MGAT5: variants seen among roughly 807,000 people sequenced by gnomAD.
MGAT5 encodes the protein alpha-1,6-mannosylglycoprotein 6-beta-N-acetylglucosaminyltransferase.
MGAT5 carries 30 observed loss-of-function variants against 94.3 expected under a neutral mutation model. The ratio of observed to expected loss-of-function variants is 0.32; its 90% CI spans 0.24 to 0.43. MGAT5 has a LOEUF of 0.43. Among genes scored for constraint, MGAT5 ranks in the 20% least tolerant of loss-of-function variants. The probability of loss-of-function intolerance (pLI) is 1.00; values close to 1 mark genes in which losing one functional copy is unlikely to be tolerated. For missense variants in MGAT5, 691 were observed against 905.5 expected (o/e 0.76, Z 3.04); for synonymous variants, 310 against 322.9 (o/e 0.96, Z 0.43).
chr2:134,140,262 G>GAGA (rs1686598503), intron 1 of MGAT5, among the ~76,000 whole-genome samples: 1 of 152,244 alleles, frequency 6.6e-6, no homozygotes, highest in South Asian at 2.1e-4. Context: ...AAAGCCAACA[G>GAGA]AGAAGGAGGC....
intron 1 of MGAT5, among the ~76,000 whole-genome samples, chr2:134,150,518 G>A (rs1002716774): frequency 1.3e-5 from 2 of 152,156 alleles, no homozygotes; most frequent in African/African-American, 4.8e-5. Context: ...TGACACCAGT[G>A]CCTGGAGATT....
intron 2 of MGAT5, among the ~76,000 whole-genome samples, chr2:134,315,503 G>A (rs1686947729): frequency 6.6e-6 from 1 of 152,204 alleles, no homozygotes. Context: ...CAGCTAGAAG[G>A]AGAGCCCCAC....
chr2:134,220,898 T>C (rs1573549462), intron 1 of MGAT5, among the ~76,000 whole-genome samples: 2 of 152,232 alleles, frequency 1.3e-5, no homozygotes, highest in African/African-American at 4.8e-5. Context: ...CATTTGTTTT[T>C]CACCTCAGTA....
At chr2:134,313,383 G>A (rs1012750771) in intron 2 of MGAT5, among the ~76,000 whole-genome samples, 6 of 152,098 alleles carry the variant, frequency 3.9e-5, no homozygotes, top group Admixed American at 2.0e-4. Flanking sequence ...CCACTACATC[G>A]TATGGGCACA....
intron 1 of MGAT5, among the ~76,000 whole-genome samples, chr2:134,244,336 A>G (rs1048105515): frequency 6.6e-6 from 1 of 151,762 alleles, no homozygotes; most frequent in African/African-American, 2.4e-5. Flanking sequence ...CTGATGAAGC[A>G]TCATCCAGAT....
At chr2:134,255,572 T>A (rs895004244) in intron 1 of MGAT5, among the ~76,000 whole-genome samples, 5 of 151,398 alleles carry the variant, frequency 3.3e-5, no homozygotes, top group Non-Finnish European at 7.4e-5. Flanking sequence ...TGGAAAAAAA[T>A]TGCAAATGGA....
At chr2:134,330,464 G>C (rs564070469) in intron 4 of MGAT5, among the ~76,000 whole-genome samples, 85 of 152,120 alleles carry the variant, frequency 5.6e-4, no homozygotes, top group Middle Eastern at 3.4e-3. Context: ...AGAAGTTATA[G>C]TGGCAAATTC....
At chr2:134,394,922 C>G (rs775333862) in intron 10 of MGAT5, among the ~76,000 whole-genome samples, 1 of 152,232 alleles carries the variant, frequency 6.6e-6, no homozygotes. Flanking sequence ...ATAAAACATG[C>G]AATTTCAGTT....
intron 10 of MGAT5, among the ~76,000 whole-genome samples, chr2:134,381,390 A>AT (rs58642991): frequency 0.092 from 10,389 of 112,330 alleles, 362 homozygotes; most frequent in East Asian, 0.12. Flanking sequence ...GATTAGATAG[A>AT]TAGATAGATA....
rs200695229 is a variant in MGAT5, at chr2:134,263,952, G to GTC, written c.242-6433_242-6432insCT. On this transcript the variant is annotated intron_variant, in intron 1 of 15. Coordinates refer to ENST00000281923, the MANE Select transcript of MGAT5 (RefSeq NM_002410.5). ...GTGATACGTACATGTGTGTATATGT[G>GTC]TATATATGTACATGAATATATGCTT... Among the ~76,000 whole-genome samples, 563 of 145,946 alleles carry GTC rather than the reference G, an allele frequency of 3.9e-3. 7 individuals are homozygous for GTC. The highest frequency in any genetic ancestry group is 0.014 in the African/African-American group (539 of 39,544).
intron 10 of MGAT5, among the ~76,000 whole-genome samples, chr2:134,373,123 G>A (rs186057944): frequency 6.6e-6 from 1 of 152,174 alleles, no homozygotes; most frequent in East Asian, 1.9e-4. Flanking sequence ...TGGGAGCTGC[G>A]GTGTTGAGGG....
chr2:134,242,789 A>G (rs1483464586), intron 1 of MGAT5, among the ~76,000 whole-genome samples: 1 of 152,170 alleles, frequency 6.6e-6, no homozygotes, highest in Non-Finnish European at 1.5e-5. Flanking sequence ...GCCTCAAATC[A>G]TTTCTCATCT....
rs781628946 is a variant in MGAT5 at position 134,276,044 on chromosome 2, A to C, written c.406+5494A>C. Among the ~76,000 whole-genome samples the C allele has an allele frequency of 1.0e-3, 158 of 152,304 alleles. 1 individual carries two copies. The highest frequency in any genetic ancestry group is 1.9e-3 in the Non-Finnish European group (131 of 68,018). On this transcript the variant is annotated intron_variant, in intron 2 of 15. Coordinates refer to ENST00000281923, the MANE Select transcript of MGAT5 (RefSeq NM_002410.5). ...GATACTGTTAGAATCTGGTGCCAGC[A>C]GATATTTTCACCTATGGTTAGTGCA...
In MGAT5 at chr2:134,268,060, T is replaced by TG. The variant is rs1408119573; in HGVS notation, c.242-2325dup. Among the ~76,000 whole-genome samples, 4 of 152,184 alleles carry TG rather than the reference T, an allele frequency of 2.6e-5. No homozygotes were observed. The highest frequency in any genetic ancestry group is 5.9e-5 in the Non-Finnish European group (4 of 68,026). Reference sequence around the variant, plus strand: ...TTTTTGATTGCCACACCTGGATAATTGCTGTTGTCATTCAGGGAGTAGAGA... The same window carrying TG: ...TTTTTGATTGCCACACCTGGATAATTGGCTGTTGTCATTCAGGGAGTAGAGA... On this transcript the variant is annotated intron_variant, in intron 1 of 15. Transcript: ENST00000281923. The surrounding 1 kb of genome is among the most constrained non-coding windows in gnomAD (Gnocchi z 4.1).
chr2:134,165,530 C>G (rs1278319343), intron 1 of MGAT5, among the ~76,000 whole-genome samples: 1 of 152,066 alleles, frequency 6.6e-6, no homozygotes, highest in African/African-American at 2.4e-5. Flanking sequence ...AATCTCAGCA[C>G]TTTGGGAAGC....
intron 2 of MGAT5, among the ~76,000 whole-genome samples, chr2:134,288,127 G>A (rs553498123): frequency 2.0e-5 from 3 of 152,090 alleles, no homozygotes; most frequent in Admixed American, 2.0e-4. Context: ...ATTTTTGCTG[G>A]TTTGGCATGA....
At chr2:134,272,966 GGCT>G (rs1410457905) in intron 2 of MGAT5, among the ~76,000 whole-genome samples, 2 of 152,144 alleles carry the variant, frequency 1.3e-5, no homozygotes, top group East Asian at 3.9e-4. Flanking sequence ...TCTGCTCTCA[GGCT>G]AATGTTTGTA....
At chr2:134,263,742 C>T (rs902046289) in intron 1 of MGAT5, among the ~76,000 whole-genome samples, 20 of 152,012 alleles carry the variant, frequency 1.3e-4, no homozygotes, top group Admixed American at 3.9e-4. Context: ...ATTCATTGTA[C>T]TATGTATATA....
At chr2:134,290,822 C>T (rs1388376662) in intron 2 of MGAT5, among the ~76,000 whole-genome samples, 2 of 151,988 alleles carry the variant, frequency 1.3e-5, no homozygotes, top group African/African-American at 2.4e-5. Context: ...AAAAAATTTA[C>T]AAAGCATGGT....
Sources: gnomAD v4.1 joint callset for allele counts (sites outside exome capture counted in the v4.1 genomes callset) on GRCh38, gnomAD v4.1.1 for gene constraint, Gnocchi (gnomAD v3.1) non-coding constraint, MANE v1.5 for transcripts, NCBI Gene and HGNC (gene_info 2026-07-23, HGNC 2026-07-21) for gene names.